EPHB1: variants seen among roughly 807,000 people sequenced by gnomAD.
EPHB1 encodes EPH receptor B1.
EPHB1 carries 30 observed loss-of-function variants against 94.4 expected under a neutral mutation model. The ratio of observed to expected loss-of-function variants is 0.32; its 90% CI spans 0.24 to 0.43. The LOEUF (loss-of-function observed/expected upper bound fraction) is 0.43. Ranked by LOEUF, EPHB1 falls within the 20% of genes least tolerant of loss-of-function variation. The pLI is 1.00. For synonymous variants in EPHB1, 522 were observed against 489.1 expected (o/e 1.07, Z -0.89); for missense variants, 1,055 against 1,308.3 (o/e 0.81, Z 2.99).
chr3:134,961,197 C>G (rs754746608), intron 3 of EPHB1, among the ~76,000 whole-genome samples: 17 of 152,168 alleles, frequency 1.1e-4, no homozygotes, highest in Non-Finnish European at 2.1e-4. Flanking sequence ...ATTCTTAGCT[C>G]TTAGAAAGTG....
At chr3:135,070,190 CAG>C (rs1284368943) in intron 3 of EPHB1, among the ~76,000 whole-genome samples, 5 of 152,186 alleles carry the variant, frequency 3.3e-5, no homozygotes, top group African/African-American at 1.2e-4. Flanking sequence ...ACCTGATACA[CAG>C]AGTTATGCCT....
At chr3:135,231,123 T>A (rs1297902842) in intron 12 of EPHB1, among the ~76,000 whole-genome samples, 1 of 152,214 alleles carries the variant, frequency 6.6e-6, no homozygotes, top group Non-Finnish European at 1.5e-5. Context: ...CTTTGCCCTT[T>A]ATTGTCCCTG....
intron 3 of EPHB1, among the ~76,000 whole-genome samples, chr3:135,054,149 AT>A (rs1937280157): frequency 6.6e-6 from 1 of 152,038 alleles, no homozygotes; most frequent in African/African-American, 2.4e-5. Context: ...AAAGCAGATT[AT>A]CCCCCATAAT....
At chr3:135,212,554 G>A (rs1943055108) in intron 12 of EPHB1, among the ~76,000 whole-genome samples, 1 of 152,118 alleles carries the variant, frequency 6.6e-6, no homozygotes, top group African/African-American at 2.4e-5. Flanking sequence ...TGCGTGTTTC[G>A]GGGGTCAGCT....
chr3:135,049,334 G>A (rs1184399264), intron 3 of EPHB1, among the ~76,000 whole-genome samples: 5 of 151,888 alleles, frequency 3.3e-5, no homozygotes, highest in Non-Finnish European at 7.4e-5. Flanking sequence ...GGCTCAGCTA[G>A]GCACTTCTTG....
chr3:135,059,090 G>A (rs1937424458), intron 3 of EPHB1, among the ~76,000 whole-genome samples: 1 of 152,218 alleles, frequency 6.6e-6, no homozygotes, highest in Non-Finnish European at 1.5e-5. Flanking sequence ...TTTCTCATGT[G>A]TCTTCTATGT....
chr3:135,003,158 G>A (rs1322087964), intron 3 of EPHB1, among the ~76,000 whole-genome samples: 1 of 150,126 alleles, frequency 6.7e-6, no homozygotes, highest in Non-Finnish European at 1.5e-5. Flanking sequence ...GGTATGTTGT[G>A]TCTTTGTTCT....
intron 1 of EPHB1, among the ~76,000 whole-genome samples, chr3:134,856,214 A>G (rs1275994239): frequency 1.3e-5 from 2 of 152,138 alleles, no homozygotes; most frequent in African/African-American, 4.8e-5. Context: ...AGACAGGTTT[A>G]TGGGCACGGG....
chr3:134,866,531 T>A (rs116623924), intron 1 of EPHB1, among the ~76,000 whole-genome samples: 308 of 152,278 alleles, frequency 2.0e-3, no homozygotes, highest in Middle Eastern at 3.4e-3. Flanking sequence ...TGGGAAGGTG[T>A]CTTGAGTCAT....
intron 1 of EPHB1, among the ~76,000 whole-genome samples, chr3:134,821,703 A>C (rs1560248617): frequency 6.6e-6 from 1 of 152,220 alleles, no homozygotes; most frequent in African/African-American, 2.4e-5. Context: ...TCTGATGTTC[A>C]AGGAGGACTC....
At chr3:135,229,151 C>T (rs1393529735) in intron 12 of EPHB1, among the ~76,000 whole-genome samples, 1 of 152,206 alleles carries the variant, frequency 6.6e-6, no homozygotes, top group African/African-American at 2.4e-5. Context: ...CAGAGGAGGG[C>T]AGACAGCCCA....
chr3:134,925,607 A>G (rs543644366), intron 1 of EPHB1, among the ~76,000 whole-genome samples: 3 of 152,088 alleles, frequency 2.0e-5, no homozygotes, highest in Non-Finnish European at 2.9e-5. Flanking sequence ...TCTGTATCCA[A>G]CTTTGCCATA....
At chr3:134,857,208 C>A (rs2037141432) in intron 1 of EPHB1, among the ~76,000 whole-genome samples, 1 of 152,170 alleles carries the variant, frequency 6.6e-6, no homozygotes, top group African/African-American at 2.4e-5. Flanking sequence ...AGCCAGCATG[C>A]ACCTTGGAAT....
chr3:134,878,003 G>A (rs1200856296), intron 1 of EPHB1, among the ~76,000 whole-genome samples: 1 of 152,174 alleles, frequency 6.6e-6, no homozygotes, highest in Non-Finnish European at 1.5e-5. Context: ...GGGAAGGGTG[G>A]CTCCTCCTGC....
intron 1 of EPHB1, among the ~76,000 whole-genome samples, chr3:134,848,452 A>C (rs1048951765): frequency 6.6e-6 from 1 of 152,256 alleles, no homozygotes; most frequent in African/African-American, 2.4e-5. Flanking sequence ...GCTGATTAGG[A>C]TAATAAAATG....
chr3:135,201,470 A>G lies in EPHB1; in HGVS notation c.2131-4A>G. The G allele has an allele frequency of 1.9e-6, 3 of 1,613,958 alleles. No individual in the cohort carries two copies. The highest frequency in any genetic ancestry group is 2.5e-6 in the Non-Finnish European group (3 of 1,179,974). On this transcript the variant is annotated splice_polypyrimidine_tract_variant and splice_region_variant and intron_variant, in intron 11 of 15. Transcript: ENST00000398015. Reference sequence around the variant, plus strand: ...ATCCCAATGCCCTCTATGTCTTATTACAGCAAAATGACGGGCAGTTCACCG... The same window carrying G: ...ATCCCAATGCCCTCTATGTCTTATTGCAGCAAAATGACGGGCAGTTCACCG...
At chr3:135,045,654 GAGTTTT>G (rs1237429165) in intron 3 of EPHB1, among the ~76,000 whole-genome samples, 1 of 152,150 alleles carries the variant, frequency 6.6e-6, no homozygotes, top group African/African-American at 2.4e-5. Flanking sequence ...GATTAAATTT[GAGTTTT>G]CAAGTGAAAA....
intron 1 of EPHB1, among the ~76,000 whole-genome samples, chr3:134,867,611 G>A (rs2037406906): frequency 6.6e-6 from 1 of 152,194 alleles, no homozygotes; most frequent in Non-Finnish European, 1.5e-5. Context: ...GAAGTAAGAA[G>A]ACAGACATGA....
At chr3:135,119,911 T>A (rs928163368) in intron 4 of EPHB1, among the ~76,000 whole-genome samples, 1 of 152,214 alleles carries the variant, frequency 6.6e-6, no homozygotes, top group African/African-American at 2.4e-5. Flanking sequence ...TTTGGTGAGA[T>A]GTTTCTTTTA....
Sources: gnomAD v4.1 joint callset for allele counts (sites outside exome capture counted in the v4.1 genomes callset) on GRCh38, gnomAD v4.1.1 for gene constraint, MANE v1.5 for transcripts, NCBI Gene and HGNC (gene_info 2026-07-23, HGNC 2026-07-21) for gene names.